Variants in CNTN5 observed in about 807,000 individuals in gnomAD.
CNTN5 encodes the protein contactin 5, also known as contactin-5.
A neutral mutation model predicts 129.1 loss-of-function variants in CNTN5; 77 were observed. That is an observed-to-expected ratio of 0.60 (90% CI 0.50 to 0.72). The LOEUF (loss-of-function observed/expected upper bound fraction) is 0.72, where lower values mean the gene tolerates loss of function less well. CNTN5 is among the 30% of genes least tolerant of loss of function. CNTN5 has a pLI of 0.00. For synonymous variants in CNTN5, 509 were observed against 465.6 expected (o/e 1.09, Z -1.20); for missense variants, 1,478 against 1,328.8 (o/e 1.11, Z -1.75).
At chr11:99,457,281 C>T (rs1274661861) in intron 2 of CNTN5, among the ~76,000 whole-genome samples, 3 of 151,870 alleles carry the variant, frequency 2.0e-5, no homozygotes, top group Non-Finnish European at 4.4e-5. Flanking sequence ...GGAAACTGTA[C>T]TAAGTGCTAC....
chr11:100,287,668 G>C (rs371478654), intron 18 of CNTN5, among the ~76,000 whole-genome samples: 2 of 152,024 alleles, frequency 1.3e-5, no homozygotes, highest in African/African-American at 4.8e-5. Context: ...AAAATGTAAA[G>C]ACCTTCGAGA....
At chr11:99,984,997 A>C (rs1216274406) in intron 8 of CNTN5, among the ~76,000 whole-genome samples, 2 of 152,182 alleles carry the variant, frequency 1.3e-5, no homozygotes, top group Non-Finnish European at 2.9e-5. Flanking sequence ...TCCATTTACT[A>C]TCCTGCGGCA....
At chr11:100,072,392 C>G (rs1943954702) in intron 12 of CNTN5, among the ~76,000 whole-genome samples, 1 of 152,140 alleles carries the variant, frequency 6.6e-6, no homozygotes. Context: ...AGAATGTAAC[C>G]CAGGCACTGC....
intron 1 of CNTN5, among the ~76,000 whole-genome samples, chr11:99,219,463 C>G (rs1320608792): frequency 6.6e-6 from 1 of 151,622 alleles, no homozygotes; most frequent in Non-Finnish European, 1.5e-5. Context: ...GAAAGCCATC[C>G]TAGGCAGAGC....
intron 1 of CNTN5, among the ~76,000 whole-genome samples, chr11:99,280,539 CA>C (rs1450987221): frequency 6.6e-6 from 1 of 151,400 alleles, no homozygotes; most frequent in Non-Finnish European, 1.5e-5. Context: ...AATATGGAAA[CA>C]TATCTGTTTA....
intron 3 of CNTN5, among the ~76,000 whole-genome samples, chr11:99,639,911 A>G (rs1025420351): frequency 1.3e-5 from 2 of 152,050 alleles, no homozygotes; most frequent in East Asian, 3.9e-4. Context: ...CTTCTGCCAG[A>G]TACCCTAAAT....
intron 2 of CNTN5, among the ~76,000 whole-genome samples, chr11:99,382,859 T>G (rs1265847228): frequency 8.7e-6 from 1 of 114,704 alleles, no homozygotes; most frequent in Non-Finnish European, 1.8e-5. Flanking sequence ...TTTTTTTTTT[T>G]TTTTTTTTTT....
chr11:99,046,817 T>C (rs1864230240), intron 1 of CNTN5, among the ~76,000 whole-genome samples: 2 of 152,096 alleles, frequency 1.3e-5, no homozygotes, highest in African/African-American at 4.8e-5. Context: ...AATAATGCAA[T>C]AAATATAACT....
At chr11:99,235,274 G>GA (rs1440226434) in intron 1 of CNTN5, among the ~76,000 whole-genome samples, 2 of 151,936 alleles carry the variant, frequency 1.3e-5, no homozygotes, top group South Asian at 2.1e-4. Context: ...ATAAAAGCAA[G>GA]AAAAAATAAG....
chr11:100,253,851 C>T (rs1002908499), intron 16 of CNTN5, among the ~76,000 whole-genome samples: 1 of 152,106 alleles, frequency 6.6e-6, no homozygotes, highest in Non-Finnish European at 1.5e-5. Context: ...CAAAAACCAA[C>T]TTCTTACTCA....
chr11:99,316,529 A>G (rs1397117316), intron 1 of CNTN5, among the ~76,000 whole-genome samples: 3 of 152,084 alleles, frequency 2.0e-5, no homozygotes, highest in Non-Finnish European at 2.9e-5. Context: ...TAGGTGTTGT[A>G]TATCTCTCAT....
chr11:100,301,459 G>T (rs889185824), intron 20 of CNTN5, among the ~76,000 whole-genome samples: 18 of 151,540 alleles, frequency 1.2e-4, no homozygotes, highest in Admixed American at 9.9e-4. Flanking sequence ...AAGACACTGA[G>T]GTTATTCCTG....
At chr11:99,856,798 T>C (rs1353907436) in intron 6 of CNTN5, among the ~76,000 whole-genome samples, 1 of 152,176 alleles carries the variant, frequency 6.6e-6, no homozygotes, top group Non-Finnish European at 1.5e-5. Flanking sequence ...CTCAAGACCA[T>C]TTATTATTTG....
At chr11:99,967,027 A>G (rs1262757367) in intron 8 of CNTN5, among the ~76,000 whole-genome samples, 1 of 152,184 alleles carries the variant, frequency 6.6e-6, no homozygotes, top group East Asian at 1.9e-4. Flanking sequence ...ATGATACATA[A>G]GAGAATGCTT....
intron 4 of CNTN5, among the ~76,000 whole-genome samples, chr11:99,821,775 T>TA (rs1428885011): frequency 5.3e-5 from 8 of 152,140 alleles, no homozygotes; most frequent in African/African-American, 1.9e-4. Flanking sequence ...GAATACCACT[T>TA]ACAAAAAGCT....
chr11:99,255,565 A>G (rs1591429466), intron 1 of CNTN5, among the ~76,000 whole-genome samples: 1 of 151,636 alleles, frequency 6.6e-6, no homozygotes, highest in South Asian at 2.1e-4. Flanking sequence ...ATTTTACCAT[A>G]TGAATTTAAA....
intron 3 of CNTN5, among the ~76,000 whole-genome samples, chr11:99,694,996 C>T (rs970655662): frequency 3.3e-5 from 5 of 151,970 alleles, no homozygotes; most frequent in African/African-American, 7.2e-5. Context: ...TCAGTTCTGT[C>T]GAACACAAAA....
intron 3 of CNTN5, among the ~76,000 whole-genome samples, chr11:99,788,498 C>T (rs1007634641): frequency 4.0e-5 from 6 of 151,822 alleles, no homozygotes; most frequent in African/African-American, 1.5e-4. Context: ...ATGTCATTCC[C>T]TTTTGTAATG....
intron 2 of CNTN5, among the ~76,000 whole-genome samples, chr11:99,403,154 C>T (rs1274609145): frequency 6.6e-6 from 1 of 151,306 alleles, no homozygotes; most frequent in Non-Finnish European, 1.5e-5. Context: ...CTACAGGCGC[C>T]TACCACCATG....
Sources: allele counts gnomAD v4.1 joint callset (sites outside exome capture counted in the v4.1 genomes callset), GRCh38; gene constraint gnomAD v4.1.1; transcripts MANE v1.5; gene names NCBI Gene and HGNC (gene_info 2026-07-23, HGNC 2026-07-21).